CTNNA2: variants seen among roughly 807,000 people sequenced by gnomAD.
CTNNA2 encodes catenin alpha 2.
In CTNNA2, 42 loss-of-function variants were observed where a neutral mutation model predicts 101.0. That is an observed-to-expected ratio of 0.42 (90% CI 0.32 to 0.54). CTNNA2 has a LOEUF of 0.54. CTNNA2 is among the 20% of genes least tolerant of loss of function. The probability of loss-of-function intolerance (pLI) is 0.14; values close to 1 mark genes in which losing one functional copy is unlikely to be tolerated. For missense variants in CTNNA2, 871 were observed against 1,223.1 expected (o/e 0.71, Z 4.29); for synonymous variants, 450 against 456.4 (o/e 0.99, Z 0.18).
chr2:79,327,337 A>G (rs1676769104), intron 3 of CTNNA2, among the ~76,000 whole-genome samples: 1 of 152,184 alleles, frequency 6.6e-6, no homozygotes, highest in African/African-American at 2.4e-5. Flanking sequence ...TTGGAATTAA[A>G]TCAGTTGCCA....
intron 7 of CTNNA2, among the ~76,000 whole-genome samples, chr2:80,363,375 A>G (rs1285505423): frequency 6.6e-6 from 1 of 152,176 alleles, no homozygotes; most frequent in African/African-American, 2.4e-5. Context: ...AATGCTAAGT[A>G]TAAGAATTAA....
At chr2:79,508,079 G>C (rs1265249449), upstream of CTNNA2, among the ~76,000 whole-genome samples, 1 of 152,150 alleles carries the variant, frequency 6.6e-6, no homozygotes, top group Non-Finnish European at 1.5e-5. Context: ...TCACAGGAGT[G>C]AACATATGAA....
At chr2:79,626,451 G>A (rs79112151) in intron 1 of CTNNA2, among the ~76,000 whole-genome samples, 3,356 of 152,204 alleles carry the variant, frequency 0.022, 115 homozygotes, top group African/African-American at 0.076. Context: ...TCACCGTTCC[G>A]TTCACCAAAC....
chr2:79,227,301 G>T (rs988993245), intron 2 of CTNNA2, among the ~76,000 whole-genome samples: 24 of 152,158 alleles, frequency 1.6e-4, no homozygotes, highest in African/African-American at 5.8e-4. Context: ...GGACTAGAAG[G>T]CAGAAGTAAT....
chr2:79,370,538 C>T (rs527696873), intron 3 of CTNNA2, among the ~76,000 whole-genome samples: 12 of 151,960 alleles, frequency 7.9e-5, no homozygotes, highest in Middle Eastern at 3.4e-3. Context: ...ATGTGGGCTA[C>T]GAAGAAAAGG....
chr2:80,203,753 G>A (rs1289045309), intron 7 of CTNNA2, among the ~76,000 whole-genome samples: 1 of 152,180 alleles, frequency 6.6e-6, no homozygotes, highest in Admixed American at 6.5e-5. Flanking sequence ...CCACTAGGTG[G>A]TGCCCCAGTA....
intron 3 of CTNNA2, among the ~76,000 whole-genome samples, chr2:79,330,167 C>T (rs1304025198): frequency 1.3e-5 from 2 of 152,124 alleles, no homozygotes; most frequent in African/African-American, 4.8e-5. Flanking sequence ...ACCAGCTGTC[C>T]ACACTGAGAC....
At position 80,303,965 on chromosome 2, in the gene CTNNA2, G is replaced by A; in HGVS notation, c.1057-89246G>A. On this transcript the variant is annotated intron_variant, in intron 7 of 18. Coordinates refer to ENST00000402739, the MANE Select transcript of CTNNA2 (RefSeq NM_001282597.3). This position sits in a 1 kb window ranked among gnomAD's most constrained non-coding sequence, Gnocchi z 7.7. Reference sequence around the variant, plus strand: ...CAAATAAATACATAGAAATAAAGAAGGACCCCCCTCCCCAAAAACCACACG... The same window carrying A: ...CAAATAAATACATAGAAATAAAGAAAGACCCCCCTCCCCAAAAACCACACG... The A allele has an allele frequency of 1.0e-6, 1 of 964,828 alleles. No homozygotes were observed. The highest frequency in any genetic ancestry group is 2.8e-5 in the South Asian group (1 of 35,952). 59.8% of individuals were successfully genotyped at this position (964,828 alleles called of 1,614,324 possible). A position where few individuals can be genotyped will look rare whatever the true frequency, so the allele number is the denominator to read the frequency against.
intron 9 of CTNNA2, among the ~76,000 whole-genome samples, chr2:80,525,725 A>C (rs1270858311): frequency 6.6e-6 from 1 of 152,094 alleles, no homozygotes; most frequent in Admixed American, 6.5e-5. Flanking sequence ...GCTTTTCCTA[A>C]GCCCCTCTTA....
At chr2:80,257,435 T>C (rs1467577167) in intron 7 of CTNNA2, among the ~76,000 whole-genome samples, 1 of 152,068 alleles carries the variant, frequency 6.6e-6, no homozygotes, top group African/African-American at 2.4e-5. Flanking sequence ...AGATGACACA[T>C]GTAGTAAAAG....
At chr2:79,889,348 A>T (rs889163532) in intron 6 of CTNNA2, among the ~76,000 whole-genome samples, 2 of 152,162 alleles carry the variant, frequency 1.3e-5, no homozygotes, top group Non-Finnish European at 2.9e-5. Context: ...GTTCTCTGAT[A>T]CTGTCTTTTT....
chr2:80,511,066 C>G (rs893601268), intron 9 of CTNNA2, among the ~76,000 whole-genome samples: 2 of 152,154 alleles, frequency 1.3e-5, no homozygotes, highest in African/African-American at 4.8e-5. Flanking sequence ...GAATTGTGAG[C>G]AACTTTAGAG....
At chr2:80,248,047 C>CAT (rs1374879418) in intron 7 of CTNNA2, among the ~76,000 whole-genome samples, 16 of 151,040 alleles carry the variant, frequency 1.1e-4, no homozygotes, top group Admixed American at 1.1e-3. Flanking sequence ...GCAGGGGACT[C>CAT]ATTTTTCTGG....
At chr2:79,714,307 T>C (rs1685932462) in intron 2 of CTNNA2, among the ~76,000 whole-genome samples, 1 of 152,074 alleles carries the variant, frequency 6.6e-6, no homozygotes, top group Non-Finnish European at 1.5e-5. Context: ...TTATGTGTTG[T>C]TTAACCACAA....
chr2:79,294,442 T>TG (rs1675922191), intron 2 of CTNNA2, among the ~76,000 whole-genome samples: 1 of 152,128 alleles, frequency 6.6e-6, no homozygotes, highest in Non-Finnish European at 1.5e-5. Flanking sequence ...GTTTAGGGAT[T>TG]TGACATGTGA....
chr2:80,157,489 T>G (rs1704056242), intron 7 of CTNNA2, among the ~76,000 whole-genome samples: 1 of 152,056 alleles, frequency 6.6e-6, no homozygotes, highest in African/African-American at 2.4e-5. Flanking sequence ...GTTAGATGTG[T>G]GTATGTGTTG....
At chr2:79,338,800 G>A (rs769142460) in intron 3 of CTNNA2, among the ~76,000 whole-genome samples, 25 of 151,964 alleles carry the variant, frequency 1.6e-4, no homozygotes, top group Non-Finnish European at 3.1e-4. Flanking sequence ...ATCTGGGAGT[G>A]GTAAAATCAA....
chr2:80,364,674 C>T lies in CTNNA2; in HGVS notation c.1057-28537C>T, dbSNP rs1285740601. Among the ~76,000 whole-genome samples, 7 of 150,552 alleles carry T rather than the reference C, an allele frequency of 4.6e-5. No homozygotes were observed. In the South Asian group the frequency reaches 6.3e-4, roughly 13 times the overall value. On this transcript the variant is annotated intron_variant, in intron 7 of 18. Coordinates refer to ENST00000402739, the MANE Select transcript of CTNNA2 (RefSeq NM_001282597.3). ...ACTCCTCATACTTTTCTTTCCTCAC[C>T]CCAGGTAATTGATGATCTGTAAATA...
chr2:79,900,639 G>T (rs185470466), intron 6 of CTNNA2, among the ~76,000 whole-genome samples: 9 of 152,224 alleles, frequency 5.9e-5, no homozygotes, highest in Admixed American at 5.9e-4. Flanking sequence ...TGAATTTAAT[G>T]CTTGGGAGGA....
Sources: allele counts gnomAD v4.1 joint callset (sites outside exome capture counted in the v4.1 genomes callset), GRCh38; gene constraint gnomAD v4.1.1; non-coding constraint Gnocchi (gnomAD v3.1); transcripts MANE v1.5; gene names NCBI Gene and HGNC (gene_info 2026-07-23, HGNC 2026-07-21).